DNAH2: variants seen among roughly 807,000 people sequenced by gnomAD.
DNAH2 encodes axonemal beta dynein heavy chain 2.
A neutral mutation model predicts 523.5 loss-of-function variants in DNAH2; 323 were observed. That is an observed-to-expected ratio of 0.62 (90% CI 0.56 to 0.68). The LOEUF (loss-of-function observed/expected upper bound fraction) is 0.68, where lower values mean the gene tolerates loss of function less well. Among genes scored for constraint, DNAH2 ranks in the 30% least tolerant of loss-of-function variants. The pLI, the probability that DNAH2 is intolerant of heterozygous loss-of-function variation, is 0.00. For missense variants in DNAH2, 4,907 were observed against 5,701.5 expected (o/e 0.86, Z 4.49); for synonymous variants, 2,093 against 2,177.4 (o/e 0.96, Z 1.08).
chr17:7,759,170 C>A, intron 15 of DNAH2, 46 bp downstream of exon 15: 1 of 1,606,932 alleles, frequency 6.2e-7, no homozygotes, highest in South Asian at 1.1e-5. Flanking sequence ...AAACCACAGT[C>A]CCCCAGTTCC....
chr17:7,777,647 C>T lies in DNAH2; in HGVS notation c.5247+13C>T. The T allele has an allele frequency of 6.2e-7, 1 of 1,613,376 alleles. No individual in the cohort carries two copies. Among genetic ancestry groups the T allele is most frequent in the Non-Finnish European group, 8.5e-7 (1 of 1,179,488 alleles). On this transcript the variant is annotated intron_variant, in intron 33 of 85. Transcript: ENST00000572933. ...CTACTGGGAGAAGGTGCCAGATGGG[C>T]CACCTCCCCACTCTCTTACCGTAAA... is the stretch of plus-strand genomic sequence containing the variant.
In DNAH2 at chr17:7,741,303, T is replaced by TTCCTTCCTTCCCTCCCTCCC. The variant is rs1477805088; in HGVS notation, c.1689+314_1689+315insTTCCTTCCCTCCCTCCCTCC. ...CTTTCTTTCTTTCTTTCTTCCTTCCTTCCCTCCCTCCCTCCCTCCCTCCTT... is the reference window on the plus strand; with the variant it reads ...CTTTCTTTCTTTCTTTCTTCCTTCCTTCCTTCCTTCCCTCCCTCCCTCCCTCCCTCCCTCCCTCCCTCCTT... On this transcript the variant is annotated intron_variant, in intron 11 of 85. Transcript: ENST00000572933. Among the ~76,000 whole-genome samples the TTCCTTCCTTCCCTCCCTCCC allele has an allele frequency of 3.6e-4, 28 of 76,884 alleles. 2 individuals carry two copies. The highest frequency in any genetic ancestry group is 2.3e-3 in the East Asian group (5 of 2,190). 50.4% of individuals were successfully genotyped at this position (76,884 alleles called of 152,430 possible). A position where few individuals can be genotyped will look rare whatever the true frequency, so the allele number is the denominator to read the frequency against.
chr17:7,769,776 C>G (rs2076265955), intron 24 of DNAH2, among the ~76,000 whole-genome samples: 1 of 152,116 alleles, frequency 6.6e-6, no homozygotes, highest in South Asian at 2.1e-4. Context: ...AATTTTACTT[C>G]TTTGTCTTTC....
chr17:7,789,753 C>G (rs2076845316), intron 44 of DNAH2, among the ~76,000 whole-genome samples: 1 of 151,718 alleles, frequency 6.6e-6, no homozygotes, highest in Admixed American at 6.6e-5. Flanking sequence ...ATTTTTTGTA[C>G]TTTTAGTAGA....
intron 64 of DNAH2, 45 bp downstream of exon 64, chr17:7,816,780 A>G (rs1278401240): frequency 1.9e-6 from 3 of 1,598,380 alleles, no homozygotes; most frequent in Non-Finnish European, 2.6e-6. Flanking sequence ...TCTGCTCGCC[A>G]CTTCCGAGAG....
In DNAH2 at chr17:7,780,297, C is replaced by T. The variant is rs1446626654; in HGVS notation, c.5850+13C>T. The stretch of plus-strand genomic sequence containing the variant: ...TGGCAACTGCAAGGTACTCCAATAA[C>T]CCCTTTTCTCCAGTGATTTTAATTT... On this transcript the variant is annotated intron_variant, in intron 37 of 85. Transcript: ENST00000572933. The surrounding 1 kb of genome is among the most constrained non-coding windows in gnomAD (Gnocchi z 4.4). 3 of 1,613,694 alleles carry T rather than the reference C, an allele frequency of 1.9e-6. No homozygotes were observed. Among genetic ancestry groups the T allele is most frequent in the South Asian group, 2.2e-5 (2 of 91,048 alleles).
intron 2 of DNAH2, among the ~76,000 whole-genome samples, chr17:7,721,004 CTTTTTTTTT>C (rs71159523): frequency 2.7e-5 from 3 of 109,736 alleles, no homozygotes; most frequent in East Asian, 2.9e-4. Context: ...TTCTTTCTTT[CTTTTTTTTT>C]TTTTTTTTTT....
Position 7,778,269 on chromosome 17 carries a change from T to G in DNAH2, c.5352-11T>G, listed in dbSNP as rs1340243136. ...CAGGAGTCTGACTCTAGTTCTGTCC[T>G]CAATTCTCAGGTGTTACATGACACT... is the stretch of plus-strand genomic sequence containing the variant. On this transcript the variant is annotated splice_polypyrimidine_tract_variant and intron_variant, in intron 34 of 85. Coordinates refer to ENST00000572933, the MANE Select transcript of DNAH2 (RefSeq NM_020877.5). The G allele has an allele frequency of 1.7e-5, 28 of 1,613,964 alleles. No homozygotes were observed. The highest frequency in any genetic ancestry group is 2.4e-5 in the Non-Finnish European group (28 of 1,179,974).
Position 7,760,804 on chromosome 17 carries a change from C to A in DNAH2, c.2850C>A (p.Ser950Arg), listed in dbSNP as rs772484586. The change falls in exon 18 of 86, where the codon AGC becomes AGA. Residue 950 changes from serine (S) to arginine (R), a missense_variant. This residue lies in a region of DNAH2 where 2,806 missense variants were observed against 3,190.8 expected (regional missense o/e 0.88). Transcript: ENST00000572933. This position sits in a 1 kb window ranked among gnomAD's most constrained non-coding sequence, Gnocchi z 4.0. ...GCAGCGGCATGACTAACAACGCAAG[C>A]CTGCTGCAGAACTACCTCAAGACCT... ...QISSGMTNNA[S>R]LLQNYLKTWD... The A allele has an allele frequency of 6.2e-7, 1 of 1,614,168 alleles. No individual in the cohort carries two copies. Among genetic ancestry groups the A allele is most frequent in the African/African-American group, 1.3e-5 (1 of 75,032 alleles).
intron 63 of DNAH2, among the ~76,000 whole-genome samples, chr17:7,811,831 G>A (rs2077526506): frequency 6.6e-6 from 1 of 152,166 alleles, no homozygotes; most frequent in African/African-American, 2.4e-5. Context: ...GCAGGGTGGG[G>A]GTTCTCTGGG....
chr17:7,766,121 C>T (rs190174008), intron 21 of DNAH2, among the ~76,000 whole-genome samples, 197 bp from the exon 22 acceptor site: 1 of 152,232 alleles, frequency 6.6e-6, no homozygotes, highest in African/African-American at 2.4e-5. Flanking sequence ...TCCATCTGTT[C>T]CTGACTCTCA....
chr17:7,798,117 C>T lies in DNAH2; in HGVS notation c.8231-40C>T, dbSNP rs1295557352. On this transcript the variant is annotated intron_variant, in intron 53 of 85. Transcript: ENST00000572933. This position sits in a 1 kb window ranked among gnomAD's most constrained non-coding sequence, Gnocchi z 5.5. ...AGGGCCTGGAGGTCCCCTGAGTTTGCTCAGCCAACTCATTACCCTCACACC... is the reference window on the plus strand; with the variant it reads ...AGGGCCTGGAGGTCCCCTGAGTTTGTTCAGCCAACTCATTACCCTCACACC... 1 of 1,541,588 alleles carries T rather than the reference C, an allele frequency of 6.5e-7. No individual in the cohort carries two copies. Among genetic ancestry groups the T allele is most frequent in the South Asian group, 1.2e-5 (1 of 80,556 alleles).
rs1196752115 is a variant in DNAH2 at position 7,780,697 on chromosome 17, A to G, written c.5918A>G (p.Tyr1973Cys). ...CAGCAGCTGTCCAGACAGGACCACTATGACTTTGGCCTGCGTGCCCTCACC... is the reference window on the plus strand; with the variant it reads ...CAGCAGCTGTCCAGACAGGACCACTGTGACTTTGGCCTGCGTGCCCTCACC... ...AVQQLSRQDH[Y>C]DFGLRALTSL... Residue 1973 changes from tyrosine (Y) to cysteine (C), a missense_variant, in exon 38 of 86, where the codon TAT becomes TGT. By Grantham distance (194) the Tyr-to-Cys change is radical (BLOSUM62 -2). Around this residue, in one of 3 missense-constraint regions of DNAH2, gnomAD observed 2,806 missense variants for 3,190.8 expected, o/e 0.88. Transcript: ENST00000572933. This position sits in a 1 kb window ranked among gnomAD's most constrained non-coding sequence, Gnocchi z 4.4. 2 of 1,614,218 alleles carry G rather than the reference A, an allele frequency of 1.2e-6. No homozygotes were observed. Among genetic ancestry groups the G allele is most frequent in the Non-Finnish European group, 1.7e-6 (2 of 1,180,028 alleles).
chr17:7,740,596 C>A, intron 10 of DNAH2, 47 bp downstream of exon 10: 2 of 1,603,700 alleles, frequency 1.2e-6, no homozygotes, highest in Non-Finnish European at 1.7e-6. Context: ...CGCGTGCTTT[C>A]CTGGAGTCCC....
chr17:7,826,528 C>T lies in DNAH2; in HGVS notation c.11853+1801C>T, dbSNP rs576238251. The stretch of plus-strand genomic sequence containing the variant: ...CATGATTCCTTGAATATCTGTGTGC[C>T]CATCATCTTTTTTTTTTTTTTTTTT... On this transcript the variant is annotated intron_variant, in intron 77 of 85. Transcript: ENST00000572933. Among the ~76,000 whole-genome samples, 41 of 147,238 alleles carry T rather than the reference C, an allele frequency of 2.8e-4. 1 individual carries two copies. Among genetic ancestry groups the T allele is most frequent in the African/African-American group, 1.0e-3 (40 of 40,122 alleles).
Position 7,768,043 on chromosome 17 carries a change from A to T in DNAH2, c.3819A>T (p.Lys1273Asn), listed in dbSNP as rs370556884. The change falls in exon 23 of 86, where the codon AAA becomes AAT. Residue 1273 changes from lysine (K) to asparagine (N), a missense_variant. Physicochemically the swap from Lys to Asn is moderately conservative, Grantham distance 94. Around this residue, in one of 3 missense-constraint regions of DNAH2, gnomAD observed 2,806 missense variants for 3,190.8 expected, o/e 0.88. Transcript: ENST00000572933. ...TAHGLFRRLT[K>N]LAKEYKDRNW... ...ACGGGCTGTTTCGTCGCCTCACAAA[A>T]TTAGCCAAAGAGTATAAGGTGGGGA... The T allele has an allele frequency of 4.2e-5, 67 of 1,614,154 alleles. No homozygotes were observed. The highest frequency in any genetic ancestry group is 5.6e-5 in the Non-Finnish European group (66 of 1,180,034).
chr17:7,779,272 T>G lies in DNAH2; in HGVS notation c.5571T>G (p.Phe1857Leu), dbSNP rs772908314. 1 of 1,614,044 alleles carries G rather than the reference T, an allele frequency of 6.2e-7. No homozygotes were observed. The highest frequency in any genetic ancestry group is 1.3e-5 in the African/African-American group (1 of 74,936). The change falls in exon 36 of 86, where the codon TTT becomes TTG. Residue 1857 changes from phenylalanine to leucine, a missense_variant. Phe to Leu is a conservative substitution (Grantham distance 22). Transcript: ENST00000572933. ...GAGCTTGGGGCTGCTTTGATGAGTTTAACCGCATCAACATCGAGGTGCTGT... is the reference window on the plus strand; with the variant it reads ...GAGCTTGGGGCTGCTTTGATGAGTTGAACCGCATCAACATCGAGGTGCTGT... ...QTGAWGCFDEFNRINIEVLSV... is the reference protein window; with the variant it reads ...QTGAWGCFDELNRINIEVLSV...
rs562322668 is a variant in DNAH2 at position 7,722,196 on chromosome 17, G to C, written c.167-1432G>C. On this transcript the variant is annotated intron_variant, in intron 2 of 85. Coordinates refer to ENST00000572933, the MANE Select transcript of DNAH2 (RefSeq NM_020877.5). ...TGTATTTTTATAGAGACGGGGGGGG[G>C]GGTTCACCATCTTGGCCAGGCTGGT... Among the ~76,000 whole-genome samples, 1,064 of 144,762 alleles carry C rather than the reference G, an allele frequency of 7.3e-3. 8 individuals carry two copies. The highest frequency in any genetic ancestry group is 0.011 in the Non-Finnish European group (717 of 66,272). 95.0% of individuals were successfully genotyped at this position (144,762 alleles called of 152,430 possible). A position where few individuals can be genotyped will look rare whatever the true frequency, so the allele number is the denominator to read the frequency against.
chr17:7,791,639 T>C (rs982817591), intron 44 of DNAH2, among the ~76,000 whole-genome samples: 2 of 152,218 alleles, frequency 1.3e-5, no homozygotes, highest in Admixed American at 6.5e-5. Flanking sequence ...TTGGTTGCTT[T>C]TCCAGGGCAG....
Sources: gnomAD v4.1 joint callset for allele counts (sites outside exome capture counted in the v4.1 genomes callset) on GRCh38, gnomAD v4.1.1 for gene constraint, gnomAD v4.1.1 regional missense constraint, Gnocchi (gnomAD v3.1) non-coding constraint, MANE v1.5 for transcripts, NCBI Gene and HGNC (gene_info 2026-07-23, HGNC 2026-07-21) for gene names.